The following GRM4 variants were observed in gnomAD, a reference collection of about 807,000 sequenced individuals.
GRM4 encodes glutamate metabotropic receptor 4.
GRM4 carries 28 observed loss-of-function variants against 81.7 expected under a neutral mutation model. That is an observed-to-expected ratio of 0.34 (90% CI 0.25 to 0.47). The LOEUF (loss-of-function observed/expected upper bound fraction) is 0.47. Ranked by LOEUF, GRM4 falls within the 20% of genes least tolerant of loss-of-function variation. GRM4 has a pLI of 1.00. For missense variants in GRM4, 948 were observed against 1,290.0 expected, an observed-to-expected ratio of 0.73 and a Z score of 4.06; for synonymous variants, 488 against 528.8, an observed-to-expected ratio of 0.92 and a Z score of 1.06.
chr6:34,122,123 C>A (rs980445317), intron 2 of GRM4, among the ~76,000 whole-genome samples: 7 of 152,110 alleles, frequency 4.6e-5, no homozygotes, highest in African/African-American at 1.7e-4. Flanking sequence ...GACAGCCGTT[C>A]TGCCTCCAGC....
upstream of GRM4, among the ~76,000 whole-genome samples, chr6:34,146,308 G>T (rs1355705748): frequency 2.0e-5 from 3 of 152,106 alleles, no homozygotes; most frequent in African/African-American, 7.2e-5. Context: ...TTTCCACAGA[G>T]CCCCCTTACC....
At chr6:34,062,144 G>T (rs915828578) in intron 3 of GRM4, 116 bp from the exon 4 acceptor site, 5 of 1,125,304 alleles carry the variant, frequency 4.4e-6, no homozygotes, top group Admixed American at 5.0e-5. Flanking sequence ...TCCCCAGCCT[G>T]ACTCCCAGCC....
intron 8 of GRM4, among the ~76,000 whole-genome samples, chr6:34,038,061 C>T (rs959019336): frequency 1.3e-5 from 2 of 152,120 alleles, no homozygotes; most frequent in African/African-American, 2.4e-5. Flanking sequence ...GGAGGCGAGA[C>T]GGTCCCTGTG....
intron 9 of GRM4, among the ~76,000 whole-genome samples, chr6:34,032,208 G>A (rs1764470643): frequency 1.3e-5 from 2 of 151,652 alleles, no homozygotes; most frequent in East Asian, 1.9e-4. Context: ...ACCCATCCCC[G>A]CTTAATCTGC....
At chr6:34,028,472 G>T in intron 9 of GRM4, 106 bp from the exon 10 acceptor site, 1 of 1,266,700 alleles carries the variant, frequency 7.9e-7, no homozygotes, top group Non-Finnish European at 1.1e-6. Flanking sequence ...CTGCCTTCAG[G>T]CAGAAGGAAG....
intron 3 of GRM4, among the ~76,000 whole-genome samples, chr6:34,076,221 A>G (rs1405359994): frequency 2.0e-5 from 3 of 152,258 alleles, no homozygotes; most frequent in Non-Finnish European, 4.4e-5. Flanking sequence ...GTAATTACCC[A>G]GGCAGGCCAA....
In GRM4 at chr6:34,105,247, G is replaced by T. The variant is rs111581915; in HGVS notation, c.520-13148C>A. On this transcript the variant is annotated intron_variant, in intron 2 of 10. Coordinates refer to ENST00000538487, the MANE Select transcript of GRM4 (RefSeq NM_000841.4). ...CCAGGCTGGCAGCCCCAAGCTGGCAGAGAGGAGGCCCCCCTGGGGCTCTGG... is the reference window on the plus strand; with the variant it reads ...CCAGGCTGGCAGCCCCAAGCTGGCATAGAGGAGGCCCCCCTGGGGCTCTGG... 1.7e-3 allele frequency among the ~76,000 whole-genome samples: 260 copies of T among 152,312 alleles called. 1 individual carries two copies. The highest frequency in any genetic ancestry group is 3.4e-3 in the Admixed American group (52 of 15,304).
At chr6:34,143,276 G>C (rs1417188455) in intron 1 of GRM4, among the ~76,000 whole-genome samples, 5 of 152,112 alleles carry the variant, frequency 3.3e-5, no homozygotes, top group Admixed American at 3.3e-4. Flanking sequence ...CAGAGGCTTG[G>C]AGGCACCATC....
chr6:34,137,306 G>A (rs1048640937), intron 1 of GRM4, among the ~76,000 whole-genome samples: 4 of 152,246 alleles, frequency 2.6e-5, no homozygotes, highest in Non-Finnish European at 4.4e-5. Context: ...CAGGCATGGA[G>A]GAATGAGAGC....
upstream of GRM4, among the ~76,000 whole-genome samples, chr6:34,150,476 C>A (rs1226806934): frequency 6.6e-6 from 1 of 152,002 alleles, no homozygotes; most frequent in Non-Finnish European, 1.5e-5. Context: ...GGAGGGGATG[C>A]TCACCAAGTG....
intron 2 of GRM4, among the ~76,000 whole-genome samples, chr6:34,103,127 C>T (rs1463465522): frequency 6.6e-6 from 1 of 152,220 alleles, no homozygotes; most frequent in Non-Finnish European, 1.5e-5. Context: ...TGCCCCATGC[C>T]ACCTCTGTCT....
chr6:34,118,629 C>A (rs898261200), intron 2 of GRM4, among the ~76,000 whole-genome samples: 7 of 152,180 alleles, frequency 4.6e-5, no homozygotes, highest in Admixed American at 2.6e-4. Context: ...CCCTGAGTTC[C>A]CTATTACTGT....
chr6:34,073,373 C>CATA (rs1207458203), intron 3 of GRM4, among the ~76,000 whole-genome samples: 333 of 136,866 alleles, frequency 2.4e-3, no homozygotes, highest in African/African-American at 9.5e-3. Flanking sequence ...ACAGATAACA[C>CATA]CATACACATC....
At chr6:34,155,247 C>T in exon 1 of GRM4, 1 of 1,535,136 alleles carries the variant, frequency 6.5e-7, no homozygotes, top group Non-Finnish European at 8.7e-7. Flanking sequence ...ATCCAAAGGA[C>T]CTGGGCGGGA....
Position 34,064,837 on chromosome 6 carries a change from A to G in GRM4, c.737-2809T>C, listed in dbSNP as rs1229538029. Reference sequence around the variant, plus strand: ...AGGCCCAGTCTCAATGAATCCTTACACATTAGCCGGTGCTAATATCCCCAT... The same window carrying G: ...AGGCCCAGTCTCAATGAATCCTTACGCATTAGCCGGTGCTAATATCCCCAT... On this transcript the variant is annotated intron_variant, in intron 3 of 10. Coordinates refer to ENST00000538487, the MANE Select transcript of GRM4 (RefSeq NM_000841.4). The surrounding 1 kb of genome is among the most constrained non-coding windows in gnomAD (Gnocchi z 4.4). Among the ~76,000 whole-genome samples the G allele has an allele frequency of 6.6e-6, 1 of 152,116 alleles. No individual in the cohort carries two copies. Among genetic ancestry groups the G allele is most frequent in the African/African-American group, 2.4e-5 (1 of 41,414 alleles).
chr6:34,129,276 A>G (rs11967819), intron 2 of GRM4, among the ~76,000 whole-genome samples: 13,387 of 152,224 alleles, frequency 0.088, 1,149 homozygotes, highest in African/African-American at 0.22. Context: ...TGGCCTCCCA[A>G]TGTGCTGGGA....
At position 34,074,672 on chromosome 6, in the gene GRM4, G is replaced by A. The variant is rs1481477465; in HGVS notation, c.737-12644C>T. On this transcript the variant is annotated intron_variant, in intron 3 of 10. Coordinates refer to ENST00000538487, the MANE Select transcript of GRM4 (RefSeq NM_000841.4). The surrounding 1 kb of genome is among the most constrained non-coding windows in gnomAD (Gnocchi z 4.9). Reference sequence around the variant, plus strand: ...TGCATTATTCATGGCGCTAGGCTCTGAGCAGAGGGAAATTTGCTGAGTGAT... The same window carrying A: ...TGCATTATTCATGGCGCTAGGCTCTAAGCAGAGGGAAATTTGCTGAGTGAT... Among the ~76,000 whole-genome samples, 2 of 152,250 alleles carry A rather than the reference G, an allele frequency of 1.3e-5. No homozygotes were observed. The highest frequency in any genetic ancestry group is 3.9e-4 in the East Asian group (2 of 5,194).
chr6:34,074,618 T>C lies in GRM4; in HGVS notation c.737-12590A>G, dbSNP rs2127473939. Reference sequence around the variant, plus strand: ...GTCCCCTGCCAGGAGAGGAGGCCGCTGGGCAGCGCAAGCAGTGTGGCTCAC... The same window carrying C: ...GTCCCCTGCCAGGAGAGGAGGCCGCCGGGCAGCGCAAGCAGTGTGGCTCAC... On this transcript the variant is annotated intron_variant, in intron 3 of 10. Transcript: ENST00000538487. The surrounding 1 kb of genome is among the most constrained non-coding windows in gnomAD (Gnocchi z 4.9). 6.6e-6 allele frequency among the ~76,000 whole-genome samples: 1 copy of C among 152,148 alleles called. No individual in the cohort carries two copies. The highest frequency in any genetic ancestry group is 2.1e-4 in the South Asian group (1 of 4,818).
exon 1 of GRM4, chr6:34,155,115 G>A: frequency 6.5e-7 from 1 of 1,529,362 alleles, no homozygotes; most frequent in Non-Finnish European, 8.8e-7. Context: ...GGGGGCGGCG[G>A]GGGTCTATTT....
Sources: gnomAD v4.1 joint callset for allele counts (sites outside exome capture counted in the v4.1 genomes callset) on GRCh38, gnomAD v4.1.1 for gene constraint, Gnocchi (gnomAD v3.1) non-coding constraint, MANE v1.5 for transcripts, NCBI Gene and HGNC (gene_info 2026-07-23, HGNC 2026-07-21) for gene names.